Variants in KHDRBS2 observed in about 807,000 individuals in gnomAD.
KHDRBS2 encodes KH RNA binding domain containing, signal transduction associated 2.
Under a neutral mutation model 44.3 loss-of-function variants are expected in KHDRBS2, and 26 were observed. The ratio of observed to expected loss-of-function variants is 0.59; its 90% confidence interval spans 0.43 to 0.81. The LOEUF is 0.81. KHDRBS2 is among the 40% of genes least tolerant of loss of function. KHDRBS2 has a pLI of 0.00. For synonymous variants in KHDRBS2, 194 were observed against 151.1 expected, an observed-to-expected ratio of 1.28 and a Z score of -2.08; for missense variants, 476 against 433.1, an observed-to-expected ratio of 1.10 and a Z score of -0.88.
At chr6:61,859,428 C>T (rs139128777) in intron 6 of KHDRBS2, among the ~76,000 whole-genome samples, 2,049 of 151,480 alleles carry the variant, frequency 0.014, 20 homozygotes, top group Admixed American at 0.021. Context: ...GAGATAAACA[C>T]GACAAAAATA....
At chr6:62,037,431 A>T (rs1279107008) in intron 3 of KHDRBS2, among the ~76,000 whole-genome samples, 1 of 151,928 alleles carries the variant, frequency 6.6e-6, no homozygotes, top group African/African-American at 2.4e-5. Flanking sequence ...CTGAAAAAAA[A>T]ATATTCTGAT....
intron 4 of KHDRBS2, among the ~76,000 whole-genome samples, chr6:61,936,619 T>C (rs1271223287): frequency 6.6e-6 from 1 of 152,022 alleles, no homozygotes; most frequent in Non-Finnish European, 1.5e-5. Flanking sequence ...GGCTTCAGCT[T>C]ATCTTGTCCA....
At chr6:62,215,243 T>TC (rs1243720025) in intron 1 of KHDRBS2, among the ~76,000 whole-genome samples, 2 of 151,804 alleles carry the variant, frequency 1.3e-5, no homozygotes, top group Non-Finnish European at 2.9e-5. Context: ...TAGACATATG[T>TC]CCCCCCTCAC....
At chr6:61,901,148 A>C in intron 5 of KHDRBS2, 96 bp downstream of exon 5, 1 of 1,150,488 alleles carries the variant, frequency 8.7e-7, no homozygotes, top group Non-Finnish European at 1.2e-6. Flanking sequence ...ATTGTGGCTG[A>C]TGTTGTTGTT....
intron 6 of KHDRBS2, among the ~76,000 whole-genome samples, chr6:61,776,915 G>A (rs546699009): frequency 6.6e-6 from 1 of 152,042 alleles, no homozygotes; most frequent in African/African-American, 2.4e-5. Flanking sequence ...TAGAATGGAT[G>A]AAGAAAATGT....
chr6:61,668,758 C>T, the KHDRBS2 span, among the ~76,000 whole-genome samples: 4 of 150,770 alleles, frequency 2.7e-5, no homozygotes, highest in Non-Finnish European at 5.9e-5. Flanking sequence ...AATCTTTTTC[C>T]TTGTTTTTAT....
intron 6 of KHDRBS2, among the ~76,000 whole-genome samples, chr6:61,733,747 T>C (rs1388693490): frequency 6.6e-6 from 1 of 152,218 alleles, no homozygotes; most frequent in African/African-American, 2.4e-5. Context: ...TCAAACAAGC[T>C]AGTAATTATA....
At chr6:61,992,243 CTT>C (rs1776272978) in intron 3 of KHDRBS2, among the ~76,000 whole-genome samples, 1 of 152,144 alleles carries the variant, frequency 6.6e-6, no homozygotes, top group African/African-American at 2.4e-5. Flanking sequence ...GCATTTCAGA[CTT>C]TTAAAATTTG....
At chr6:61,558,549 G>T in the KHDRBS2 span, among the ~76,000 whole-genome samples, 1 of 152,136 alleles carries the variant, frequency 6.6e-6, no homozygotes, top group Non-Finnish European at 1.5e-5. Context: ...GTGACAGCAA[G>T]AACCTGTCTC....
At chr6:62,072,328 T>C (rs552240471) in intron 2 of KHDRBS2, among the ~76,000 whole-genome samples, 2 of 152,048 alleles carry the variant, frequency 1.3e-5, no homozygotes, top group Non-Finnish European at 2.9e-5. Context: ...TTGAATATCC[T>C]TTTATTTCCT....
chr6:61,605,859 C>T, the KHDRBS2 span, among the ~76,000 whole-genome samples: 160 of 152,284 alleles, frequency 1.1e-3, no homozygotes, highest in African/African-American at 3.7e-3. Flanking sequence ...GCCATCATAT[C>T]CCCTGTGACT....
At chr6:62,267,743 T>G (rs1220157609) in intron 1 of KHDRBS2, among the ~76,000 whole-genome samples, 1 of 152,028 alleles carries the variant, frequency 6.6e-6, no homozygotes, top group Non-Finnish European at 1.5e-5. Flanking sequence ...GATCTTAAAC[T>G]GACTAGTACT....
chr6:62,108,055 C>A (rs553661901), intron 2 of KHDRBS2, among the ~76,000 whole-genome samples: 1 of 152,152 alleles, frequency 6.6e-6, no homozygotes, highest in South Asian at 2.1e-4. Flanking sequence ...ATGTCTAAAA[C>A]ACCAAAAGCA....
intron 6 of KHDRBS2, among the ~76,000 whole-genome samples, chr6:61,779,501 A>G (rs1166918780): frequency 6.6e-6 from 1 of 152,204 alleles, no homozygotes; most frequent in East Asian, 1.9e-4. Flanking sequence ...GGTAACCTGT[A>G]GAATATAGTG....
chr6:61,930,852 C>T (rs1383899153), intron 4 of KHDRBS2, among the ~76,000 whole-genome samples: 3 of 152,056 alleles, frequency 2.0e-5, no homozygotes, highest in East Asian at 3.9e-4. Flanking sequence ...AAGTATCAGG[C>T]TTTAGTAGAG....
intron 1 of KHDRBS2, among the ~76,000 whole-genome samples, chr6:62,245,115 T>C (rs1835327411): frequency 6.6e-6 from 1 of 152,164 alleles, no homozygotes; most frequent in African/African-American, 2.4e-5. Flanking sequence ...GACTCATTAC[T>C]GAATACTTGA....
chr6:61,591,645 A>G, the KHDRBS2 span, among the ~76,000 whole-genome samples: 1 of 152,190 alleles, frequency 6.6e-6, no homozygotes, highest in African/African-American at 2.4e-5. Flanking sequence ...GCAGGAAACC[A>G]GATCAGGGTC....
At chr6:62,162,336 C>G (rs1291564665) in intron 2 of KHDRBS2, among the ~76,000 whole-genome samples, 2 of 151,986 alleles carry the variant, frequency 1.3e-5, no homozygotes, top group Non-Finnish European at 2.9e-5. Flanking sequence ...TTTTAAAGAA[C>G]AGTTTTGCTA....
intron 1 of KHDRBS2, among the ~76,000 whole-genome samples, chr6:62,192,908 A>G (rs1824910341): frequency 6.6e-6 from 1 of 152,122 alleles, no homozygotes; most frequent in East Asian, 1.9e-4. Flanking sequence ...TGTTGCTCAT[A>G]CTACTCCTAA....
Sources: allele counts gnomAD v4.1 joint callset (sites outside exome capture counted in the v4.1 genomes callset), GRCh38; gene constraint gnomAD v4.1.1; transcripts MANE v1.5; gene names NCBI Gene and HGNC (gene_info 2026-07-23, HGNC 2026-07-21).